USP10: variants seen among roughly 807,000 people sequenced by gnomAD.
USP10 encodes ubiquitin specific peptidase 10, also known as ubiquitin carboxyl-terminal hydrolase 10.
Under a neutral mutation model 84.5 loss-of-function variants are expected in USP10, and 22 were observed. The ratio of observed to expected loss-of-function variants is 0.26; its 90% CI spans 0.19 to 0.37. USP10 has a LOEUF of 0.37. USP10 is among the 10% of genes least tolerant of loss of function. The pLI, the probability that USP10 is intolerant of heterozygous loss-of-function variation, is 1.00. For missense variants in USP10, 1,019 were observed against 998.9 expected, an observed-to-expected ratio of 1.02 and a Z score of -0.27; for synonymous variants, 454 against 387.6, an observed-to-expected ratio of 1.17 and a Z score of -2.01.
chr16:84,744,371 T>C (rs1910969129), intron 3 of USP10, among the ~76,000 whole-genome samples: 1 of 152,196 alleles, frequency 6.6e-6, no homozygotes, highest in South Asian at 2.1e-4. Context: ...TTATTACAAA[T>C]TTATTTTAAT....
intron 10 of USP10, among the ~76,000 whole-genome samples, chr16:84,766,684 G>A (rs752049258): frequency 6.6e-6 from 1 of 152,142 alleles, no homozygotes; most frequent in South Asian, 2.1e-4. Context: ...AAATACCAGC[G>A]TCCATTTGGA....
At chr16:84,720,352 C>A (rs1420553414) in intron 1 of USP10, among the ~76,000 whole-genome samples, 3 of 152,150 alleles carry the variant, frequency 2.0e-5, no homozygotes, top group Non-Finnish European at 4.4e-5. Context: ...CAAGTTTCTG[C>A]CCATGTAGCA....
intron 2 of USP10, among the ~76,000 whole-genome samples, chr16:84,736,821 C>T (rs182274601): frequency 4.7e-4 from 72 of 152,306 alleles, no homozygotes; most frequent in Admixed American, 7.2e-4. Flanking sequence ...GGGAGTCTCG[C>T]TCTCTCGCCC....
chr16:84,711,640 A>T (rs192831183), intron 1 of USP10, among the ~76,000 whole-genome samples: 2 of 151,632 alleles, frequency 1.3e-5, no homozygotes, highest in East Asian at 3.9e-4. Flanking sequence ...TGCCACAACA[A>T]TGTATTCTAA....
At chr16:84,751,724 G>A (rs1293688956) in intron 4 of USP10, among the ~76,000 whole-genome samples, 2 of 152,130 alleles carry the variant, frequency 1.3e-5, no homozygotes, top group Non-Finnish European at 2.9e-5. Flanking sequence ...GAATGTTCTG[G>A]ACAGTTAGAA....
intron 4 of USP10, among the ~76,000 whole-genome samples, chr16:84,753,558 G>A (rs185077292): frequency 2.6e-5 from 4 of 152,282 alleles, no homozygotes; most frequent in Admixed American, 1.3e-4. Flanking sequence ...TGTTCCAGGT[G>A]CGGAGTGATC....
At chr16:84,741,700 T>C (rs1182222832) in intron 3 of USP10, among the ~76,000 whole-genome samples, 3 of 152,250 alleles carry the variant, frequency 2.0e-5, no homozygotes, top group African/African-American at 4.8e-5. Flanking sequence ...ACGACTGGAA[T>C]CTTGCCACCA....
At chr16:84,738,295 C>A (rs916780417) in intron 2 of USP10, among the ~76,000 whole-genome samples, 1 of 152,164 alleles carries the variant, frequency 6.6e-6, no homozygotes, top group Non-Finnish European at 1.5e-5. Flanking sequence ...CTTGATGTTA[C>A]AATAAATTTT....
intron 4 of USP10, among the ~76,000 whole-genome samples, chr16:84,745,969 G>A (rs1032847293): frequency 6.6e-6 from 1 of 152,108 alleles, no homozygotes; most frequent in Non-Finnish European, 1.5e-5. Flanking sequence ...TCTGCTCCAC[G>A]GTATGAATGT....
chr16:84,730,679 T>G (rs1488063876), intron 1 of USP10, among the ~76,000 whole-genome samples: 1 of 152,186 alleles, frequency 6.6e-6, no homozygotes, highest in Non-Finnish European at 1.5e-5. Context: ...CCTCCTCTGC[T>G]GCCAAGATTT....
At position 84,736,141 on chromosome 16, in the gene USP10, ATC is replaced by A. The variant is rs1909912742; in HGVS notation, c.90+2643_90+2644del. Among the ~76,000 whole-genome samples the A allele has an allele frequency of 2.6e-5, 4 of 152,130 alleles. No homozygotes were observed. The South Asian group carries it at 8.3e-4, about 32-fold the overall frequency. ...CTTCTACAGCACAGTTTGGCCTTTT[ATC>A]TCTCAGGTAACATAATTGCCGCTCA... On this transcript the variant is annotated intron_variant, in intron 2 of 13. Transcript: ENST00000219473.
chr16:84,716,713 T>C (rs1907063656), intron 1 of USP10, among the ~76,000 whole-genome samples: 1 of 152,150 alleles, frequency 6.6e-6, no homozygotes, highest in Non-Finnish European at 1.5e-5. Flanking sequence ...ACTGGGATCT[T>C]AGGTGCACGA....
chr16:84,768,795 T>C (rs868420441), intron 11 of USP10, among the ~76,000 whole-genome samples: 11 of 152,202 alleles, frequency 7.2e-5, no homozygotes, highest in African/African-American at 2.7e-4. Flanking sequence ...ATTGTAAATA[T>C]AATATAGTCA....
rs1172222252 is a variant in USP10 at position 84,779,663 on chromosome 16, A to G, written c.*581A>G. 6 of 152,772 alleles carry G rather than the reference A, an allele frequency of 3.9e-5. No homozygotes were observed. Among genetic ancestry groups the G allele is most frequent in the Admixed American group, 3.3e-4 (5 of 15,286 alleles). The allele number at this position is 152,772 out of a possible 1,614,324, so 9.5% of individuals were successfully genotyped here. A position where few individuals can be genotyped will look rare whatever the true frequency, so the allele number is the denominator to read the frequency against. On this transcript the variant is annotated 3_prime_UTR_variant, in exon 14 of 14. Coordinates refer to ENST00000219473, the MANE Select transcript of USP10 (RefSeq NM_005153.3). ...CTGCTTACGTACACATTGCAGATCAAATATTTGGAGTTAAAATGTTAGTCT... is the reference window on the plus strand; with the variant it reads ...CTGCTTACGTACACATTGCAGATCAGATATTTGGAGTTAAAATGTTAGTCT...
intron 1 of USP10, among the ~76,000 whole-genome samples, chr16:84,714,471 A>T (rs1311312138): frequency 6.6e-6 from 1 of 151,340 alleles, no homozygotes; most frequent in Non-Finnish European, 1.5e-5. Flanking sequence ...GACGTGCGCC[A>T]CCGTGCACGG....
At chr16:84,735,731 C>G (rs1909849107) in intron 2 of USP10, among the ~76,000 whole-genome samples, 1 of 152,074 alleles carries the variant, frequency 6.6e-6, no homozygotes, top group South Asian at 2.1e-4. Flanking sequence ...AGCTTCAGAA[C>G]TCGTAGTGTG....
chr16:84,733,585 TAAAG>T, intron 2 of USP10, 82 bp downstream of exon 2: 6 of 1,080,060 alleles, frequency 5.6e-6, no homozygotes, highest in Non-Finnish European at 8.0e-6. Flanking sequence ...TTTTTTTAAA[TAAAG>T]AATTCCAATG....
At chr16:84,771,346 G>C (rs1378278172) in intron 11 of USP10, among the ~76,000 whole-genome samples, 1 of 152,104 alleles carries the variant, frequency 6.6e-6, no homozygotes, top group Non-Finnish European at 1.5e-5. Context: ...AAGTCTAGGA[G>C]TTCAAGACCA....
At chr16:84,715,647 T>C (rs55976696) in intron 1 of USP10, among the ~76,000 whole-genome samples, 4 of 151,210 alleles carry the variant, frequency 2.6e-5, no homozygotes, top group African/African-American at 7.3e-5. Flanking sequence ...CTTTTTTTTT[T>C]AAAAAAACAA....
Sources: allele counts gnomAD v4.1 joint callset (sites outside exome capture counted in the v4.1 genomes callset), GRCh38; gene constraint gnomAD v4.1.1; transcripts MANE v1.5; gene names NCBI Gene and HGNC (gene_info 2026-07-23, HGNC 2026-07-21).